SAMMSON: variants seen among roughly 807,000 people sequenced by gnomAD.
The protein encoded by SAMMSON is long intergenic non-protein coding RNA 1212.
chr3:70,340,051 A>G (rs1345831958), intron 7 of SAMMSON, among the ~76,000 whole-genome samples: 3 of 152,104 alleles, frequency 2.0e-5, no homozygotes, highest in Non-Finnish European at 4.4e-5. Flanking sequence ...TGGCACATAT[A>G]CACCATGGAA....
chr3:70,382,247 A>T (rs868246199), intron 9 of SAMMSON, among the ~76,000 whole-genome samples: 1 of 152,146 alleles, frequency 6.6e-6, no homozygotes, highest in Non-Finnish European at 1.5e-5. Context: ...ATTTGAATAC[A>T]TATATTTCTT....
intron 7 of SAMMSON, among the ~76,000 whole-genome samples, chr3:70,334,396 A>G (rs1482822761): frequency 6.6e-6 from 1 of 152,024 alleles, no homozygotes; most frequent in African/African-American, 2.4e-5. Context: ...CATGTAATAT[A>G]TATGTACATA....
At chr3:70,112,097 C>T (rs1239106205) in intron 4 of SAMMSON, among the ~76,000 whole-genome samples, 5 of 151,972 alleles carry the variant, frequency 3.3e-5, no homozygotes, top group African/African-American at 4.8e-5. Flanking sequence ...ACATTGACTC[C>T]GAAGCAGGGT....
intron 4 of SAMMSON, among the ~76,000 whole-genome samples, chr3:70,188,326 C>T (rs1450494507): frequency 2.0e-5 from 3 of 152,122 alleles, no homozygotes; most frequent in East Asian, 1.9e-4. Flanking sequence ...GTCATAATAC[C>T]TTTCTCAGAG....
At chr3:70,084,747 AG>A (rs1365395997) in intron 4 of SAMMSON, 9 of 152,240 alleles carry the variant, frequency 5.9e-5, no homozygotes, top group Non-Finnish European at 1.2e-4. Flanking sequence ...AACTACAAAA[AG>A]AGACAATATC....
intron 6 of SAMMSON, among the ~76,000 whole-genome samples, chr3:70,282,454 T>C (rs1702095960): frequency 6.6e-6 from 1 of 152,172 alleles, no homozygotes; most frequent in East Asian, 1.9e-4. Context: ...AAATTTAAAG[T>C]CATATCATGG....
chr3:70,079,298 T>C (rs1470963170), intron 4 of SAMMSON, among the ~76,000 whole-genome samples: 1 of 152,190 alleles, frequency 6.6e-6, no homozygotes, highest in East Asian at 1.9e-4. Flanking sequence ...ATTGATCATC[T>C]TGATAGCCTG....
chr3:70,225,677 G>A (rs1701497672), intron 4 of SAMMSON, among the ~76,000 whole-genome samples: 1 of 152,140 alleles, frequency 6.6e-6, no homozygotes. Context: ...TAGATCAAAA[G>A]CAGTTTAGTG....
At chr3:70,373,111 C>A (rs1039736085) in intron 9 of SAMMSON, among the ~76,000 whole-genome samples, 7 of 151,984 alleles carry the variant, frequency 4.6e-5, no homozygotes, top group Non-Finnish European at 1.0e-4. Flanking sequence ...TCCAATATTT[C>A]TTCTCTTATC....
At chr3:70,354,776 T>G (rs1027646709) in intron 8 of SAMMSON, among the ~76,000 whole-genome samples, 1 of 152,204 alleles carries the variant, frequency 6.6e-6, no homozygotes, top group Admixed American at 6.5e-5. Flanking sequence ...TTCTTTAGAC[T>G]GCATACATTC....
At chr3:70,225,937 GT>G (rs1701501899) in intron 4 of SAMMSON, among the ~76,000 whole-genome samples, 1 of 152,114 alleles carries the variant, frequency 6.6e-6, no homozygotes, top group Admixed American at 6.6e-5. Context: ...CTACCAAGTG[GT>G]CTTTTGATGA....
chr3:70,303,791 C>T (rs1285454729), intron 7 of SAMMSON, among the ~76,000 whole-genome samples: 1 of 152,222 alleles, frequency 6.6e-6, no homozygotes, highest in East Asian at 1.9e-4. Context: ...CAGAGATTCT[C>T]TTGCCTCAGC....
Position 70,226,388 on chromosome 3 carries a change from G to T in SAMMSON, n.508-22719G>T, listed in dbSNP as rs367545621. Among the ~76,000 whole-genome samples, 18 of 152,260 alleles carry T rather than the reference G, an allele frequency of 1.2e-4. No individual in the cohort carries two copies. In the East Asian group the frequency reaches 1.9e-3, roughly 16 times the overall value. On this transcript the variant is annotated intron_variant and non_coding_transcript_variant, in intron 4 of 9. Coordinates refer to ENST00000642114, the Ensembl canonical transcript of SAMMSON. ...GCAAAGCCCAGGAATTTCCTATTCT[G>T]TTGGGTATAATATGCAGAAGGGTGT...
In SAMMSON at chr3:70,196,418, G is replaced by A. The variant is rs1419950009; in HGVS notation, n.508-52689G>A. ...CTGTACATATAAGTGAATTTTAAGA[G>A]ACTGTATAAATAAATTTTTAATTAC... On this transcript the variant is annotated intron_variant and non_coding_transcript_variant, in intron 4 of 9. Transcript: ENST00000642114. Among the ~76,000 whole-genome samples, 4 of 152,052 alleles carry A rather than the reference G, an allele frequency of 2.6e-5. No individual in the cohort carries two copies. In the East Asian group the frequency reaches 7.7e-4, roughly 29 times the overall value.
chr3:70,293,045 C>CA (rs55990203), intron 7 of SAMMSON, among the ~76,000 whole-genome samples: 12,175 of 74,422 alleles, frequency 0.16, 2,081 homozygotes, highest in Non-Finnish European at 0.21. Flanking sequence ...TGGTTTGAAG[C>CA]AAAAAAAAAA....
chr3:70,120,084 T>C (rs2067426658), intron 4 of SAMMSON: 1 of 152,224 alleles, frequency 6.6e-6, no homozygotes, highest in Admixed American at 6.5e-5. Context: ...AGTGTCTTCC[T>C]TCCAGTGACA....
At chr3:70,058,113 A>T (rs551696889) in intron 3 of SAMMSON, among the ~76,000 whole-genome samples, 201 of 152,200 alleles carry the variant, frequency 1.3e-3, no homozygotes, top group African/African-American at 4.7e-3. Context: ...ACTGAACTTC[A>T]TTCAGCCTCA....
chr3:70,298,130 T>A (rs1336201292), intron 7 of SAMMSON, among the ~76,000 whole-genome samples: 1 of 152,134 alleles, frequency 6.6e-6, no homozygotes, highest in Non-Finnish European at 1.5e-5. Context: ...CAGATAAGGA[T>A]ATTTGAAAAT....
intron 9 of SAMMSON, among the ~76,000 whole-genome samples, chr3:70,366,493 T>TTTG (rs1491573316): frequency 1.5e-4 from 2 of 13,154 alleles, no homozygotes; most frequent in African/African-American, 7.4e-4. Context: ...TGTTTTTATG[T>TTTG]TTTTTTTTTT....
Sources: gnomAD v4.1 joint callset for allele counts (sites outside exome capture counted in the v4.1 genomes callset) on GRCh38, gnomAD v4.1.1 for gene constraint, MANE v1.5 for transcripts, NCBI Gene and HGNC (gene_info 2026-07-23, HGNC 2026-07-21) for gene names.